TSPAN14: variants seen among roughly 807,000 people sequenced by gnomAD.
TSPAN14 encodes tetraspanin-14.
In TSPAN14, 16 loss-of-function variants were observed where a neutral mutation model predicts 36.6. That is an observed-to-expected ratio of 0.44 (90% CI 0.30 to 0.66). TSPAN14 has a LOEUF of 0.66. Among genes scored for constraint, TSPAN14 ranks in the 30% least tolerant of loss-of-function variants. The pLI, the probability that TSPAN14 is intolerant of heterozygous loss-of-function variation, is 0.12. For missense variants in TSPAN14, 231 were observed against 355.1 expected (o/e 0.65, Z 2.81); for synonymous variants, 139 against 143.8 (o/e 0.97, Z 0.24).
intron 1 of TSPAN14, among the ~76,000 whole-genome samples, chr10:80,462,529 T>C (rs1042327989): frequency 3.3e-5 from 5 of 152,232 alleles, no homozygotes; most frequent in Non-Finnish European, 7.3e-5. Context: ...GAATGGTTTT[T>C]GTATTGTTCC....
intron 1 of TSPAN14, among the ~76,000 whole-genome samples, chr10:80,488,773 G>A (rs1054737810): frequency 1.3e-5 from 2 of 152,160 alleles, no homozygotes. Flanking sequence ...TCTGGTGGGT[G>A]GAAAGAACGT....
At chr10:80,516,383 T>G (rs1275614196) in intron 8 of TSPAN14, 60 bp downstream of exon 8, 3 of 1,610,618 alleles carry the variant, frequency 1.9e-6, no homozygotes, top group Non-Finnish European at 1.7e-6. Flanking sequence ...GATTGGGCCC[T>G]TAACATAGAG....
intron 2 of TSPAN14, among the ~76,000 whole-genome samples, chr10:80,502,746 A>G (rs1363516839): frequency 6.6e-6 from 1 of 152,090 alleles, no homozygotes; most frequent in African/African-American, 2.4e-5. Flanking sequence ...TAAAGTAGAC[A>G]TTAGGGTATT....
At chr10:80,481,488 A>G (rs1241477005) in intron 1 of TSPAN14, among the ~76,000 whole-genome samples, 1 of 152,204 alleles carries the variant, frequency 6.6e-6, no homozygotes, top group African/African-American at 2.4e-5. Flanking sequence ...ACATGGTCAT[A>G]ATAAGGTCAA....
intron 1 of TSPAN14, chr10:80,468,760 G>A (rs538954806): frequency 3.4e-5 from 5 of 146,274 alleles, no homozygotes; most frequent in East Asian, 2.0e-4. Flanking sequence ...CTGACTGTGC[G>A]CTCAGTGGTA....
intron 7 of TSPAN14, 82 bp from the exon 8 acceptor site, chr10:80,516,122 C>G (rs1840924664): frequency 1.2e-6 from 2 of 1,602,340 alleles, no homozygotes; most frequent in Middle Eastern, 1.7e-4. Flanking sequence ...CTTTGCCCTG[C>G]TCCTTACCAG....
chr10:80,509,513 C>G lies in TSPAN14; in HGVS notation c.450+42C>G, dbSNP rs1840495569. 6.3e-7 allele frequency: 1 copy of G among 1,593,976 alleles called. No individual in the cohort carries two copies. The highest frequency in any genetic ancestry group is 1.1e-5 in the South Asian group (1 of 88,260). ...CGGGCCCCCGATAGAGCATGCACCT[C>G]CCTGTGCTGCCTGGAGCTGAGTCTA... On this transcript the variant is annotated intron_variant, in intron 5 of 8. Coordinates refer to ENST00000429989, the Ensembl canonical transcript of TSPAN14. This position sits in a 1 kb window ranked among gnomAD's most constrained non-coding sequence, Gnocchi z 4.7.
At chr10:80,510,882 GATAAA>G (rs1159558780) in intron 5 of TSPAN14, among the ~76,000 whole-genome samples, 5 of 152,026 alleles carry the variant, frequency 3.3e-5, no homozygotes, top group Non-Finnish European at 5.9e-5. Flanking sequence ...TCAAAAAAAA[GATAAA>G]ATAAATAAAT....
chr10:80,480,652 T>C (rs1184082161), intron 1 of TSPAN14, among the ~76,000 whole-genome samples: 4 of 152,072 alleles, frequency 2.6e-5, no homozygotes, highest in Non-Finnish European at 2.9e-5. Context: ...AAATTGGAAA[T>C]CATCATTCTC....
intron 1 of TSPAN14, among the ~76,000 whole-genome samples, chr10:80,462,605 G>T (rs995788340): frequency 6.6e-6 from 1 of 152,266 alleles, no homozygotes; most frequent in South Asian, 2.1e-4. Context: ...TTATTGACAC[G>T]TCAGTTAAAG....
At chr10:80,475,688 A>G (rs1279221147) in intron 1 of TSPAN14, among the ~76,000 whole-genome samples, 1 of 152,044 alleles carries the variant, frequency 6.6e-6, no homozygotes, top group African/African-American at 2.4e-5. Flanking sequence ...CCTGGGTTCA[A>G]GCAGTTCTCT....
chr10:80,466,419 A>C (rs1846252748), intron 1 of TSPAN14: 1 of 152,136 alleles, frequency 6.6e-6, no homozygotes, highest in Non-Finnish European at 1.5e-5. Context: ...ATGCGCGACT[A>C]ATTTTTAAAA....
At chr10:80,499,789 A>G (rs1282274102) in intron 2 of TSPAN14, among the ~76,000 whole-genome samples, 2 of 152,220 alleles carry the variant, frequency 1.3e-5, no homozygotes, top group Non-Finnish European at 2.9e-5. Flanking sequence ...AAGGGCAGCT[A>G]TTCACAGTGA....
chr10:80,456,682 A>G (rs1455890180), intron 1 of TSPAN14, among the ~76,000 whole-genome samples: 1 of 152,264 alleles, frequency 6.6e-6, no homozygotes, highest in Non-Finnish European at 1.5e-5. Context: ...AGTGAAGGAC[A>G]AGATTATTTC....
At chr10:80,471,189 G>A (rs1846533358) in intron 1 of TSPAN14, among the ~76,000 whole-genome samples, 1 of 151,950 alleles carries the variant, frequency 6.6e-6, no homozygotes, top group South Asian at 2.1e-4. Flanking sequence ...TTGTCTCCAC[G>A]GCCTCATTCT....
At chr10:80,469,491 A>G (rs938386490) in intron 1 of TSPAN14, among the ~76,000 whole-genome samples, 4 of 152,068 alleles carry the variant, frequency 2.6e-5, no homozygotes, top group Admixed American at 2.0e-4. Flanking sequence ...TTTGTGGGGA[A>G]GAGCTTGCTT....
At chr10:80,483,024 T>A (rs1261651386) in intron 1 of TSPAN14, among the ~76,000 whole-genome samples, 2 of 149,794 alleles carry the variant, frequency 1.3e-5, no homozygotes, top group Non-Finnish European at 2.9e-5. Flanking sequence ...CGTGAGCCAC[T>A]TTGCCCAGCC....
chr10:80,495,337 G>C (rs1157512956), intron 2 of TSPAN14, among the ~76,000 whole-genome samples: 5 of 88,476 alleles, frequency 5.7e-5, no homozygotes, highest in South Asian at 4.2e-4. Context: ...TTTTGGCACT[G>C]TGTGTGTGTG....
At chr10:80,489,408 A>AAT (rs1847803525) in intron 2 of TSPAN14, 94 bp downstream of exon 2, 1 of 920,800 alleles carries the variant, frequency 1.1e-6, no homozygotes, top group African/African-American at 1.6e-5. Flanking sequence ...GACACTATGT[A>AAT]AGGCTCTGGG....
Sources: allele counts gnomAD v4.1 joint callset (sites outside exome capture counted in the v4.1 genomes callset), GRCh38; gene constraint gnomAD v4.1.1; non-coding constraint Gnocchi (gnomAD v3.1); transcripts MANE v1.5; gene names NCBI Gene and HGNC (gene_info 2026-07-23, HGNC 2026-07-21).